The following USP3 variants were observed in gnomAD, a reference collection of about 807,000 sequenced individuals.
USP3 encodes the protein ubiquitin specific peptidase 3.
A neutral mutation model predicts 72.3 loss-of-function variants in USP3; 20 were observed. The ratio of observed to expected loss-of-function variants is 0.28; its 90% confidence interval spans 0.19 to 0.40. USP3 has a LOEUF of 0.40. Among genes scored for constraint, USP3 ranks in the 10% least tolerant of loss-of-function variants. The pLI is 1.00. For synonymous variants in USP3, 222 were observed against 225.3 expected, an observed-to-expected ratio of 0.99 and a Z score of 0.13; for missense variants, 479 against 633.9, an observed-to-expected ratio of 0.76 and a Z score of 2.62.
intron 7 of USP3, among the ~76,000 whole-genome samples, chr15:63,562,263 C>T (rs898457401): frequency 4.6e-5 from 7 of 152,002 alleles, no homozygotes; most frequent in Non-Finnish European, 8.8e-5. Context: ...TATTCATATG[C>T]GAGAAGAGTG....
At chr15:63,547,766 GA>G in intron 3 of USP3, among the ~76,000 whole-genome samples, 4 of 12,134 alleles carry the variant, frequency 3.3e-4, no homozygotes, top group African/African-American at 1.3e-3. Flanking sequence ...GGGAGGGAGA[GA>G]GAGAGAGAGA....
intron 11 of USP3, among the ~76,000 whole-genome samples, chr15:63,576,861 T>G (rs2066873205): frequency 6.6e-6 from 1 of 152,208 alleles, no homozygotes; most frequent in Non-Finnish European, 1.5e-5. Context: ...TTAAGGGCAC[T>G]TCTCTTCTTG....
chr15:63,580,218 TG>T (rs1346414170), intron 11 of USP3, among the ~76,000 whole-genome samples: 1 of 152,114 alleles, frequency 6.6e-6, no homozygotes, highest in Admixed American at 6.5e-5. Context: ...CATGGAAATA[TG>T]TGTGTGGAAT....
rs1233032434 is a variant in USP3, at chr15:63,504,614, G to C, written c.-126G>C. ...CGTGCTTTCTTTGACGCAAGGGCTC[G>C]AGACGCAGCCGCCGTCGGCCGAGCG... On this transcript the variant is annotated 5_prime_UTR_variant, in exon 1 of 15. Transcript: ENST00000380324. 3.9e-6 allele frequency: 3 copies of C among 763,128 alleles called. No individual in the cohort carries two copies. The highest frequency in any genetic ancestry group is 5.9e-6 in the Non-Finnish European group (3 of 510,234). The allele number at this position is 763,128 out of a possible 1,614,324, so 47.3% of individuals were successfully genotyped here.
intron 11 of USP3, among the ~76,000 whole-genome samples, chr15:63,579,425 C>G (rs2066917182): frequency 6.6e-6 from 1 of 152,106 alleles, no homozygotes; most frequent in Non-Finnish European, 1.5e-5. Flanking sequence ...AATATTTATG[C>G]AAATTTACAA....
At position 63,553,620 on chromosome 15, in the gene USP3, T is replaced by A. The variant is rs2066466244; in HGVS notation, c.285-95T>A. On this transcript the variant is annotated intron_variant, in intron 3 of 14. Transcript: ENST00000380324. The surrounding 1 kb of genome is among the most constrained non-coding windows in gnomAD (Gnocchi z 4.2). ...CCAGCAGTAACTGCCTGCAGAGCCA[T>A]GTGATCATCTTGGCAACAGCCAGAC... 9.1e-7 allele frequency: 1 copy of A among 1,096,424 alleles called. No individual in the cohort carries two copies. The highest frequency in any genetic ancestry group is 1.7e-5 in the South Asian group (1 of 57,636). 67.9% of individuals were successfully genotyped at this position (1,096,424 alleles called of 1,614,324 possible).
At chr15:63,543,417 G>A (rs1434035052) in intron 3 of USP3, among the ~76,000 whole-genome samples, 1 of 152,168 alleles carries the variant, frequency 6.6e-6, no homozygotes, top group Non-Finnish European at 1.5e-5. Context: ...TATGGGAAGA[G>A]CGTTTAGAAC....
At chr15:63,579,739 TA>T (rs2066921634) in intron 11 of USP3, among the ~76,000 whole-genome samples, 1 of 152,162 alleles carries the variant, frequency 6.6e-6, no homozygotes, top group Non-Finnish European at 1.5e-5. Context: ...AAAGAGATGA[TA>T]AACTTGAGAC....
At chr15:63,527,526 T>A (rs1029234094) in intron 1 of USP3, among the ~76,000 whole-genome samples, 4 of 152,198 alleles carry the variant, frequency 2.6e-5, no homozygotes, top group Non-Finnish European at 5.9e-5. Flanking sequence ...GTCCAAAAAT[T>A]TAGAATTCCA....
chr15:63,547,800 G>GAGAGAGA (rs1567108736), intron 3 of USP3, among the ~76,000 whole-genome samples: 1 of 49,834 alleles, frequency 2.0e-5, no homozygotes, highest in East Asian at 6.2e-4. Flanking sequence ...GAGAGAGAGA[G>GAGAGAGA]GCATAGAGAG....
chr15:63,539,354 T>C (rs994343055), intron 3 of USP3, among the ~76,000 whole-genome samples: 1 of 152,238 alleles, frequency 6.6e-6, no homozygotes, highest in Admixed American at 6.5e-5. Context: ...TGGAGGACTT[T>C]GGAAATACAA....
intron 8 of USP3, among the ~76,000 whole-genome samples, chr15:63,565,618 G>A (rs531768144): frequency 3.0e-4 from 45 of 152,296 alleles, no homozygotes; most frequent in African/African-American, 1.1e-3. Context: ...TATTCTGTGT[G>A]CATATACAGA....
intron 3 of USP3, among the ~76,000 whole-genome samples, chr15:63,545,893 C>T (rs1275127560): frequency 6.8e-6 from 1 of 146,596 alleles, no homozygotes; most frequent in Admixed American, 7.0e-5. Flanking sequence ...ATGGCTTGAG[C>T]CCAGGAGACG....
chr15:63,559,248 A>G (rs1416945982), intron 6 of USP3, among the ~76,000 whole-genome samples: 3 of 152,228 alleles, frequency 2.0e-5, no homozygotes, highest in Non-Finnish European at 4.4e-5. Flanking sequence ...ATAGTCAACA[A>G]GGCTGACTTA....
chr15:63,512,394 TCTTC>T (rs1174808861), intron 1 of USP3, among the ~76,000 whole-genome samples: 1 of 151,094 alleles, frequency 6.6e-6, no homozygotes, highest in East Asian at 2.0e-4. Context: ...TTTTCTTCTT[TCTTC>T]CTTCTTCTTC....
intron 3 of USP3, among the ~76,000 whole-genome samples, chr15:63,539,037 G>A (rs1419095619): frequency 2.6e-5 from 4 of 151,960 alleles, no homozygotes; most frequent in African/African-American, 9.7e-5. Context: ...ATTTGCTGTT[G>A]TGAAACACAC....
chr15:63,558,887 AT>A (rs2066557434), intron 6 of USP3, among the ~76,000 whole-genome samples: 2 of 152,024 alleles, frequency 1.3e-5, no homozygotes, highest in Admixed American at 6.5e-5. Context: ...AAATAAATAA[AT>A]TAATTAATTA....
At chr15:63,563,470 C>G (rs932353468) in intron 8 of USP3, among the ~76,000 whole-genome samples, 1 of 152,202 alleles carries the variant, frequency 6.6e-6, no homozygotes, top group Non-Finnish European at 1.5e-5. Context: ...GATGCACTCT[C>G]CAGAAGGCAG....
At chr15:63,518,926 C>T (rs760328053) in intron 1 of USP3, among the ~76,000 whole-genome samples, 4 of 152,044 alleles carry the variant, frequency 2.6e-5, no homozygotes, top group East Asian at 3.9e-4. Context: ...CCACCACGCC[C>T]GGCTAATTTT....
Sources: allele counts gnomAD v4.1 joint callset (sites outside exome capture counted in the v4.1 genomes callset), GRCh38; gene constraint gnomAD v4.1.1; non-coding constraint Gnocchi (gnomAD v3.1); transcripts MANE v1.5; gene names NCBI Gene and HGNC (gene_info 2026-07-23, HGNC 2026-07-21).